The following MAPRE2 variants were observed in gnomAD, a reference collection of about 807,000 sequenced individuals.
The protein encoded by MAPRE2 is microtubule-associated protein RP/EB family member 2.
In MAPRE2, 13 loss-of-function variants were observed where a neutral mutation model predicts 43.2. The ratio of observed to expected loss-of-function variants is 0.30; its 90% CI spans 0.20 to 0.48. The LOEUF (loss-of-function observed/expected upper bound fraction) is 0.48, where lower values mean the gene tolerates loss of function less well. MAPRE2 is among the 20% of genes least tolerant of loss of function. The pLI is 0.99. For synonymous variants in MAPRE2, 135 were observed against 148.8 expected (o/e 0.91, Z 0.68); for missense variants, 161 against 400.2 (o/e 0.40, Z 5.10).
Position 35,141,918 on chromosome 18 carries a change from C to G in MAPRE2, c.*1549C>G, listed in dbSNP as rs905456766. 6.6e-6 allele frequency: 1 copy of G among 151,728 alleles called. No homozygotes were observed. The highest frequency in any genetic ancestry group is 1.5e-5 in the Non-Finnish European group (1 of 67,990). The allele number at this position is 151,728 out of a possible 1,614,324, so 9.4% of individuals were successfully genotyped here. On this transcript the variant is annotated 3_prime_UTR_variant, in exon 7 of 7. Coordinates refer to ENST00000300249, the MANE Select transcript of MAPRE2 (RefSeq NM_014268.4). Reference sequence around the variant, plus strand: ...TGAATTCTAAATTCTAGCATTGAAGCTTTTCACCAAAAGAAGTCTCTCCAA... The same window carrying G: ...TGAATTCTAAATTCTAGCATTGAAGGTTTTCACCAAAAGAAGTCTCTCCAA...
intron 2 of MAPRE2, among the ~76,000 whole-genome samples, chr18:35,087,728 C>T (rs1424620158): frequency 6.6e-6 from 1 of 152,150 alleles, no homozygotes; most frequent in Non-Finnish European, 1.5e-5. Flanking sequence ...AAATAAGGCA[C>T]AAGTATTCTT....
intron 6 of MAPRE2, among the ~76,000 whole-genome samples, chr18:35,133,666 G>A (rs540027812): frequency 2.6e-5 from 4 of 152,312 alleles, no homozygotes; most frequent in South Asian, 4.1e-4. Context: ...CACTTCAAAC[G>A]GGGAAACCCT....
intron 2 of MAPRE2, among the ~76,000 whole-genome samples, chr18:35,087,619 C>T (rs914759539): frequency 6.6e-6 from 1 of 152,246 alleles, no homozygotes; most frequent in African/African-American, 2.4e-5. Context: ...TGTTGTGGTT[C>T]AACTGCTATG....
chr18:35,068,583 C>T (rs1249166228), intron 1 of MAPRE2, among the ~76,000 whole-genome samples: 1 of 152,202 alleles, frequency 6.6e-6, no homozygotes. Context: ...GGGAACTACT[C>T]ATCACTTTGA....
intron 2 of MAPRE2, among the ~76,000 whole-genome samples, chr18:35,080,321 A>G (rs1031796261): frequency 3.3e-5 from 5 of 152,236 alleles, no homozygotes; most frequent in African/African-American, 1.2e-4. Context: ...ATACACCACT[A>G]TACAAAACAC....
intron 1 of MAPRE2, among the ~76,000 whole-genome samples, chr18:34,981,863 TA>T (rs1204093288): frequency 2.5e-5 from 2 of 80,126 alleles, no homozygotes; most frequent in African/African-American, 7.2e-5. Flanking sequence ...CGACTTTATT[TA>T]TTTTTTTTTT....
chr18:35,028,267 C>T (rs960077315), intron 2 of MAPRE2, among the ~76,000 whole-genome samples: 16 of 152,132 alleles, frequency 1.1e-4, no homozygotes, highest in African/African-American at 3.6e-4. Context: ...GTTTATATCT[C>T]AAAATGTTAC....
At chr18:35,024,134 C>G (rs2097043657) in intron 2 of MAPRE2, among the ~76,000 whole-genome samples, 1 of 152,180 alleles carries the variant, frequency 6.6e-6, no homozygotes, top group African/African-American at 2.4e-5. Context: ...CTATCAGACA[C>G]CTTTCAATGA....
intron 2 of MAPRE2, among the ~76,000 whole-genome samples, chr18:35,078,214 C>T (rs371361473): frequency 6.6e-6 from 1 of 152,154 alleles, no homozygotes; most frequent in East Asian, 1.9e-4. Flanking sequence ...TGTGTTCATA[C>T]CCTTTCTTGT....
chr18:35,124,284 G>A (rs941264093), intron 4 of MAPRE2, among the ~76,000 whole-genome samples: 4 of 152,098 alleles, frequency 2.6e-5, no homozygotes, highest in South Asian at 2.1e-4. Context: ...TTAAAAAACC[G>A]TCAGATCTCA....
chr18:34,991,218 T>A (rs1238329251), intron 1 of MAPRE2, among the ~76,000 whole-genome samples: 1 of 152,024 alleles, frequency 6.6e-6, no homozygotes, highest in African/African-American at 2.4e-5. Context: ...CTCTCCCAAT[T>A]CCCTTTTGTA....
intron 2 of MAPRE2, among the ~76,000 whole-genome samples, chr18:35,085,298 G>A (rs1232719537): frequency 6.6e-6 from 1 of 152,178 alleles, no homozygotes; most frequent in Non-Finnish European, 1.5e-5. Context: ...TTTGGGCTTA[G>A]GTAATAGTTG....
At chr18:35,087,522 A>C (rs146252280) in intron 2 of MAPRE2, among the ~76,000 whole-genome samples, 3 of 152,286 alleles carry the variant, frequency 2.0e-5, no homozygotes, top group African/African-American at 7.2e-5. Context: ...ATACCTCGTC[A>C]ATTCTTAAAA....
intron 6 of MAPRE2, among the ~76,000 whole-genome samples, chr18:35,137,145 A>T (rs1910426599): frequency 6.6e-6 from 1 of 152,222 alleles, no homozygotes; most frequent in African/African-American, 2.4e-5. Flanking sequence ...AGACTGCCTT[A>T]ACTTGCAGGC....
At chr18:35,017,630 C>T (rs1305758515) in intron 2 of MAPRE2, among the ~76,000 whole-genome samples, 2 of 151,594 alleles carry the variant, frequency 1.3e-5, no homozygotes, top group African/African-American at 4.8e-5. Flanking sequence ...TCAGCTTGAA[C>T]ATTACTGGTG....
chr18:35,094,882 T>A (rs1043188747), intron 2 of MAPRE2, among the ~76,000 whole-genome samples: 1 of 152,176 alleles, frequency 6.6e-6, no homozygotes, highest in Admixed American at 6.5e-5. Flanking sequence ...ACTCAGATAC[T>A]GAGGCAGGAT....
chr18:35,043,417 C>T (rs1057086758), intron 1 of MAPRE2, among the ~76,000 whole-genome samples: 12 of 152,270 alleles, frequency 7.9e-5, no homozygotes, highest in African/African-American at 2.9e-4. Context: ...TTTTATTACT[C>T]ATGTAAACTA....
chr18:35,008,390 AG>A (rs2097032825), intron 2 of MAPRE2, among the ~76,000 whole-genome samples: 1 of 152,210 alleles, frequency 6.6e-6, no homozygotes, highest in African/African-American at 2.4e-5. Flanking sequence ...GAAAACCTAG[AG>A]GAGAAAATCA....
intron 1 of MAPRE2, among the ~76,000 whole-genome samples, chr18:35,004,506 A>G (rs2155998): frequency 6.6e-6 from 1 of 152,360 alleles, no homozygotes; most frequent in South Asian, 2.1e-4. Flanking sequence ...TTCTCAAAGC[A>G]AACTCAGACT....
Sources: gnomAD v4.1 joint callset for allele counts (sites outside exome capture counted in the v4.1 genomes callset) on GRCh38, gnomAD v4.1.1 for gene constraint, MANE v1.5 for transcripts, NCBI Gene and HGNC (gene_info 2026-07-23, HGNC 2026-07-21) for gene names.